NRCAM: variants seen among roughly 807,000 people sequenced by gnomAD.
NRCAM encodes the protein NgCAM-related cell adhesion molecule.
In NRCAM, 83 loss-of-function variants were observed where a neutral mutation model predicts 156.5. That is an observed-to-expected ratio of 0.53 (90% CI 0.44 to 0.64). The LOEUF (loss-of-function observed/expected upper bound fraction) is 0.64, where lower values mean the gene tolerates loss of function less well. Ranked by LOEUF, NRCAM falls within the 30% of genes least tolerant of loss-of-function variation. NRCAM has a pLI of 0.00. For synonymous variants in NRCAM, 538 were observed against 563.9 expected, an observed-to-expected ratio of 0.95 and a Z score of 0.65; for missense variants, 1,417 against 1,597.3, an observed-to-expected ratio of 0.89 and a Z score of 1.92.
intron 29 of NRCAM, 34 bp from the exon 30 acceptor site, chr7:108,167,107 T>C (rs1397672473): frequency 3.8e-6 from 6 of 1,569,732 alleles, no homozygotes; most frequent in Non-Finnish European, 5.2e-6. Flanking sequence ...CACATTTGAA[T>C]ATTTTAAGGG....
intron 6 of NRCAM, among the ~76,000 whole-genome samples, chr7:108,234,254 A>G (rs1263586607): frequency 6.6e-6 from 1 of 152,200 alleles, no homozygotes; most frequent in Non-Finnish European, 1.5e-5. Context: ...GCAGAAAAGC[A>G]TGGGCACAGA....
Position 108,222,604 on chromosome 7 carries a change from G to A in NRCAM, c.890+1121C>T, listed in dbSNP as rs115251258. ...TAGGGTTTTAACATATCTTTAAAAG[G>A]GGGTTTTGCTAGTTTTCCGTAGCTT... On this transcript the variant is annotated intron_variant, in intron 11 of 32. Transcript: ENST00000379028. Among the ~76,000 whole-genome samples, 733 of 152,124 alleles carry A rather than the reference G, an allele frequency of 4.8e-3. 10 individuals are homozygous for A. Among genetic ancestry groups the A allele is most frequent in the African/African-American group, 0.017 (705 of 41,476 alleles).
intron 2 of NRCAM, among the ~76,000 whole-genome samples, chr7:108,341,908 T>C (rs1271036525): frequency 6.6e-6 from 1 of 152,194 alleles, no homozygotes; most frequent in East Asian, 1.9e-4. Flanking sequence ...CAGCTGTACC[T>C]AACCCTTATA....
At chr7:108,237,372 C>T (rs1386456187) in intron 5 of NRCAM, among the ~76,000 whole-genome samples, 1 of 152,146 alleles carries the variant, frequency 6.6e-6, no homozygotes, top group Non-Finnish European at 1.5e-5. Context: ...TTTGCCTGCA[C>T]CCACCTTCTA....
chr7:108,162,033 C>T (rs550601027), intron 30 of NRCAM, among the ~76,000 whole-genome samples: 1 of 152,112 alleles, frequency 6.6e-6, no homozygotes. Flanking sequence ...AGTTTTGGAC[C>T]CTTACCATAG....
chr7:108,181,042 G>C (rs1199500609), intron 24 of NRCAM, among the ~76,000 whole-genome samples: 2 of 152,098 alleles, frequency 1.3e-5, no homozygotes, highest in Admixed American at 1.3e-4. Flanking sequence ...TTCGATTGCA[G>C]GCACAGGTTT....
At chr7:108,433,498 G>A (rs1250193338) in intron 1 of NRCAM, among the ~76,000 whole-genome samples, 1 of 152,316 alleles carries the variant, frequency 6.6e-6, no homozygotes, top group Non-Finnish European at 1.5e-5. Flanking sequence ...CAATATGGGG[G>A]ATTATTGGCC....
At chr7:108,205,150 T>C (rs888879383) in intron 13 of NRCAM, among the ~76,000 whole-genome samples, 9 of 152,040 alleles carry the variant, frequency 5.9e-5, no homozygotes, top group African/African-American at 2.2e-4. Context: ...AATGAGGGTT[T>C]CCCCCTCATG....
At position 108,411,679 on chromosome 7, in the gene NRCAM, G is replaced by A. The variant is rs181925647; in HGVS notation, c.-331-12086C>T. The stretch of plus-strand genomic sequence containing the variant: ...TGAGTAGCTGGGATTACAGGTGTGC[G>A]CCACCACGCCCGGCTAATTTTTTTT... On this transcript the variant is annotated intron_variant, in intron 1 of 32. Transcript: ENST00000379028. Among the ~76,000 whole-genome samples the A allele has an allele frequency of 3.4e-3, 516 of 152,182 alleles. 2 individuals are homozygous for A. The highest frequency in any genetic ancestry group is 7.0e-3 in the African/African-American group (290 of 41,514).
At chr7:108,169,669 G>T (rs931258526) in intron 28 of NRCAM, among the ~76,000 whole-genome samples, 1 of 152,148 alleles carries the variant, frequency 6.6e-6, no homozygotes, top group Non-Finnish European at 1.5e-5. Context: ...GAATTATGCA[G>T]AGTCCTTCTG....
intron 2 of NRCAM, among the ~76,000 whole-genome samples, chr7:108,387,099 C>T (rs190497490): frequency 6.6e-6 from 1 of 152,262 alleles, no homozygotes; most frequent in Non-Finnish European, 1.5e-5. Flanking sequence ...TCACAAAAGG[C>T]TTCCACTTAT....
At chr7:108,206,409 A>G (rs1329714400) in intron 13 of NRCAM, among the ~76,000 whole-genome samples, 1 of 152,232 alleles carries the variant, frequency 6.6e-6, no homozygotes, top group East Asian at 1.9e-4. Context: ...CCTGTATCAT[A>G]AGCCTGAGGG....
At chr7:108,396,659 C>T (rs543838047) in intron 2 of NRCAM, among the ~76,000 whole-genome samples, 6 of 152,290 alleles carry the variant, frequency 3.9e-5, no homozygotes, top group Admixed American at 2.6e-4. Flanking sequence ...TTAATCATTA[C>T]ACAGTGTATG....
intron 3 of NRCAM, among the ~76,000 whole-genome samples, chr7:108,254,551 C>CTTTTTTTTTTTTTTT (rs71137620): frequency 1.5e-5 from 2 of 130,334 alleles, no homozygotes; most frequent in African/African-American, 3.1e-5. Context: ...AACAATTTTG[C>CTTTTTTTTTTTTTTT]TTTTTTTTTT....
At chr7:108,363,623 G>A (rs1051227782) in intron 2 of NRCAM, among the ~76,000 whole-genome samples, 1 of 152,158 alleles carries the variant, frequency 6.6e-6, no homozygotes, top group African/African-American at 2.4e-5. Flanking sequence ...GGATTGGGTA[G>A]TCTCTTTACA....
chr7:108,312,331 A>C (rs1297708050), intron 3 of NRCAM, among the ~76,000 whole-genome samples: 1 of 152,136 alleles, frequency 6.6e-6, no homozygotes, highest in Non-Finnish European at 1.5e-5. Context: ...TATAATTTTT[A>C]ATCTTTAGTC....
At chr7:108,154,647 G>A (rs1217747705) in intron 32 of NRCAM, among the ~76,000 whole-genome samples, 1 of 152,156 alleles carries the variant, frequency 6.6e-6, no homozygotes, top group African/African-American at 2.4e-5. Flanking sequence ...CAAAGGCAGT[G>A]AGATCTTTTG....
intron 1 of NRCAM, among the ~76,000 whole-genome samples, chr7:108,411,816 C>T (rs1254629523): frequency 1.3e-5 from 2 of 152,182 alleles, no homozygotes; most frequent in Non-Finnish European, 2.9e-5. Context: ...CAGGCATAAG[C>T]CACCACACCC....
At position 108,171,119 on chromosome 7, in the gene NRCAM, C is replaced by G. The variant is rs183697040; in HGVS notation, c.3188-2717G>C. Among the ~76,000 whole-genome samples the G allele has an allele frequency of 1.4e-4, 21 of 152,312 alleles. 1 individual carries two copies. The East Asian group carries it at 3.5e-3, about 25-fold the overall frequency. ...TAATCCCCACTCATCCACCTTCTCA[C>G]TCACAGAGCACCTATTTTGTACCAT... On this transcript the variant is annotated intron_variant, in intron 28 of 32. Coordinates refer to ENST00000379028, the MANE Select transcript of NRCAM (RefSeq NM_001037132.4).
Sources: allele counts gnomAD v4.1 joint callset (sites outside exome capture counted in the v4.1 genomes callset), GRCh38; gene constraint gnomAD v4.1.1; transcripts MANE v1.5; gene names NCBI Gene and HGNC (gene_info 2026-07-23, HGNC 2026-07-21).